The following MYO3B variants were observed in gnomAD, a reference collection of about 807,000 sequenced individuals.
MYO3B encodes myosin-IIIb.
Under a neutral mutation model 174.6 loss-of-function variants are expected in MYO3B, and 156 were observed. The ratio of observed to expected loss-of-function variants is 0.89; its 90% CI spans 0.78 to 1.02. MYO3B has a LOEUF of 1.02. Among genes scored for constraint, MYO3B ranks in the 50% least tolerant of loss-of-function variants. The probability of loss-of-function intolerance (pLI) is 0.00; values close to 1 mark genes in which losing one functional copy is unlikely to be tolerated. For missense variants in MYO3B, 1,632 were observed against 1,639.4 expected (o/e 1.00, Z 0.08); for synonymous variants, 563 against 569.1 (o/e 0.99, Z 0.15).
At position 170,650,700 on chromosome 2, in the gene MYO3B, T is replaced by TTG. The variant is rs1553551743; in HGVS notation, c.3734-927_3734-926dup. Among the ~76,000 whole-genome samples the TTG allele has an allele frequency of 7.7e-3, 897 of 115,780 alleles. 43 individuals are homozygous for TTG. Among genetic ancestry groups the TTG allele is most frequent in the Admixed American group, 0.042 (452 of 10,680 alleles). 76.0% of individuals were successfully genotyped at this position (115,780 alleles called of 152,430 possible). On this transcript the variant is annotated intron_variant, in intron 32 of 34. Transcript: ENST00000408978. ...TTTTTTTTTTTTTTTTTTTTTTTTT[T>TTG]TGAGATGGAGTCTTGCCCTGTTGCC... is the stretch of plus-strand genomic sequence containing the variant.
At chr2:170,302,417 C>T (rs2093671773) in intron 7 of MYO3B, among the ~76,000 whole-genome samples, 2 of 152,154 alleles carry the variant, frequency 1.3e-5, no homozygotes, top group South Asian at 2.1e-4. Context: ...TTGAAATGAC[C>T]AGCTGGGGCT....
intron 7 of MYO3B, among the ~76,000 whole-genome samples, chr2:170,265,154 G>A (rs2093373699): frequency 1.3e-5 from 2 of 152,238 alleles, no homozygotes; most frequent in Admixed American, 1.3e-4. Context: ...CCTCCTGACA[G>A]AGGGTTGTCT....
At chr2:170,326,252 C>T (rs1364529427) in intron 7 of MYO3B, among the ~76,000 whole-genome samples, 1 of 151,800 alleles carries the variant, frequency 6.6e-6, no homozygotes, top group Non-Finnish European at 1.5e-5. Context: ...GTAAACAGTC[C>T]AGAATTTGAT....
At chr2:170,480,517 G>C (rs570447374) in intron 25 of MYO3B, among the ~76,000 whole-genome samples, 106 of 152,306 alleles carry the variant, frequency 7.0e-4, no homozygotes, top group Non-Finnish European at 1.4e-3. Context: ...GTTTCCCTGA[G>C]TTCTAAGAGC....
intron 7 of MYO3B, among the ~76,000 whole-genome samples, chr2:170,306,559 T>C (rs1311296083): frequency 6.6e-6 from 1 of 152,216 alleles, no homozygotes; most frequent in Non-Finnish European, 1.5e-5. Context: ...CAATTGGTTA[T>C]CACACAGTGA....
intron 3 of MYO3B, among the ~76,000 whole-genome samples, chr2:170,203,499 G>GT (rs1491339405): frequency 8.3e-6 from 1 of 120,966 alleles, no homozygotes; most frequent in Non-Finnish European, 1.7e-5. Flanking sequence ...AGGGGGCGGC[G>GT]GGGGGGGGAG....
At chr2:170,606,138 G>A (rs1410248259) in intron 32 of MYO3B, among the ~76,000 whole-genome samples, 2 of 152,116 alleles carry the variant, frequency 1.3e-5, no homozygotes, top group African/African-American at 4.8e-5. Flanking sequence ...CAGAGACAGT[G>A]ATCAGCGTTG....
At chr2:170,478,563 G>T (rs1440694387) in intron 25 of MYO3B, among the ~76,000 whole-genome samples, 1 of 65,674 alleles carries the variant, frequency 1.5e-5, no homozygotes, top group Non-Finnish European at 3.1e-5. Context: ...ACACACACAG[G>T]TTTTTTTGTG....
intron 7 of MYO3B, among the ~76,000 whole-genome samples, chr2:170,301,440 A>C (rs550782399): frequency 6.6e-6 from 1 of 152,288 alleles, no homozygotes; most frequent in African/African-American, 2.4e-5. Context: ...GTTTTAGATC[A>C]CTCTATTTTT....
intron 8 of MYO3B, among the ~76,000 whole-genome samples, chr2:170,352,898 T>C (rs1270716092): frequency 6.6e-6 from 1 of 152,212 alleles, no homozygotes; most frequent in African/African-American, 2.4e-5. Context: ...TCTGGAACAC[T>C]GACAATACCA....
rs535760125 is a variant in MYO3B, at chr2:170,214,913, T to TC, written c.526+85_526+86insC. On this transcript the variant is annotated intron_variant, in intron 5 of 34. Transcript: ENST00000408978. ...TATTGCAATCTCAGAAGACTGGGGC[T>TC]TCTCTGCTACACCATAGGCTGAGGG... 3.2e-3 allele frequency: 3,334 copies of TC among 1,029,776 alleles called. 9 individuals are homozygous for TC. Among genetic ancestry groups the TC allele is most frequent in the Admixed American group, 5.6e-3 (298 of 53,674 alleles). 63.8% of individuals were successfully genotyped at this position (1,029,776 alleles called of 1,614,324 possible). A position where few individuals can be genotyped will look rare whatever the true frequency, so the allele number is the denominator to read the frequency against.
chr2:170,200,207 C>T lies in MYO3B; in HGVS notation c.244C>T (p.Pro82Ser). 2 of 1,613,488 alleles carry T rather than the reference C, an allele frequency of 1.2e-6. No homozygotes were observed. Among genetic ancestry groups the T allele is most frequent in the Non-Finnish European group, 8.5e-7 (1 of 1,179,634 alleles). Residue 82 changes from proline (P) to serine (S), a missense_variant, in exon 3 of 35, where the codon CCC becomes TCC. Pro to Ser is a moderately conservative substitution (Grantham distance 74, BLOSUM62 -1). Transcript: ENST00000408978. ...CATTTTGCAGTTCCTTCCTAATCAT[C>T]CCAATGTTGTAAAGTTTTATGGGAT... is the stretch of plus-strand genomic sequence containing the variant. Reference protein sequence around the residue: ...YNILQFLPNHPNVVKFYGMFY... With the variant: ...YNILQFLPNHSNVVKFYGMFY...
chr2:170,257,596 A>C (rs1368653318), intron 7 of MYO3B, among the ~76,000 whole-genome samples: 1 of 152,182 alleles, frequency 6.6e-6, no homozygotes, highest in Non-Finnish European at 1.5e-5. Context: ...CAGCGTTAAG[A>C]GGGAAGTTTA....
chr2:170,627,479 C>G (rs1212186699), intron 32 of MYO3B, among the ~76,000 whole-genome samples: 1 of 152,122 alleles, frequency 6.6e-6, no homozygotes, highest in East Asian at 1.9e-4. Flanking sequence ...TTTTTAACTT[C>G]TTTGCGATGG....
In MYO3B at chr2:170,382,030, A is replaced by G. The variant is rs1186959784; in HGVS notation, c.986A>G (p.His329Arg). 6.2e-7 allele frequency: 1 copy of G among 1,613,030 alleles called. No homozygotes were observed. Among genetic ancestry groups the G allele is most frequent in the Non-Finnish European group, 8.5e-7 (1 of 1,179,302 alleles). The change falls in exon 10 of 35, where the codon CAT becomes CGT. Residue 329 changes from histidine (H) to arginine (R), a missense_variant. Transcript: ENST00000408978. ...TAAATTTCTAGGCATGAGAGGATGC[A>G]TACCAGAAGACCTTATCATGTGGAA... ...PVAKTRHERM[H>R]TRRPYHVEDA...
At chr2:170,269,642 A>G (rs541006373) in intron 7 of MYO3B, among the ~76,000 whole-genome samples, 140 of 152,320 alleles carry the variant, frequency 9.2e-4, no homozygotes, top group Non-Finnish European at 1.2e-3. Flanking sequence ...GAGGTAATAT[A>G]CCAGAATGTT....
chr2:170,386,932 T>C (rs982586929), intron 13 of MYO3B, among the ~76,000 whole-genome samples, 174 bp from the exon 14 acceptor site: 1 of 152,224 alleles, frequency 6.6e-6, no homozygotes, highest in Non-Finnish European at 1.5e-5. Flanking sequence ...CATATGCAGA[T>C]CTGGGGAGTT....
rs190205618 is a variant in MYO3B, at chr2:170,267,082, T to C, written c.749+30946T>C. ...CAGGAAAGCTAGCTAGACATCTTCC[T>C]GTTCTCAGTGGCTCAACAGATGAAA... On this transcript the variant is annotated intron_variant, in intron 7 of 34. Transcript: ENST00000408978. 2.6e-5 allele frequency among the ~76,000 whole-genome samples: 4 copies of C among 151,512 alleles called. No homozygotes were observed. In the East Asian group the frequency reaches 7.8e-4, roughly 30 times the overall value.
At chr2:170,563,671 A>G (rs1231122278) in intron 32 of MYO3B, among the ~76,000 whole-genome samples, 1 of 152,224 alleles carries the variant, frequency 6.6e-6, no homozygotes, top group East Asian at 1.9e-4. Flanking sequence ...TCATATCACC[A>G]GAAGTCCAGG....
Sources: allele counts gnomAD v4.1 joint callset (sites outside exome capture counted in the v4.1 genomes callset), GRCh38; gene constraint gnomAD v4.1.1; transcripts MANE v1.5; gene names NCBI Gene and HGNC (gene_info 2026-07-23, HGNC 2026-07-21).